Variants in FERMT3 observed in about 807,000 individuals in gnomAD.
FERMT3 encodes the protein fermitin family homolog 3.
In FERMT3, 33 loss-of-function variants were observed where a neutral mutation model predicts 80.8. The ratio of observed to expected loss-of-function variants is 0.41; its 90% CI spans 0.31 to 0.55. The LOEUF (loss-of-function observed/expected upper bound fraction) is 0.55, where lower values mean the gene tolerates loss of function less well. Ranked by LOEUF, FERMT3 falls within the 20% of genes least tolerant of loss-of-function variation. The pLI is 0.31. For synonymous variants in FERMT3, 375 were observed against 372.2 expected (o/e 1.01, Z -0.09); for missense variants, 754 against 908.7 (o/e 0.83, Z 2.19).
chr11:64,216,823 G>A (rs576894358), intron 6 of FERMT3, among the ~76,000 whole-genome samples: 1 of 150,444 alleles, frequency 6.6e-6, no homozygotes, highest in South Asian at 2.1e-4. Context: ...AAAAAGGCGG[G>A]TGCCACCATG....
At chr11:64,217,919 G>C (rs1053149548) in intron 6 of FERMT3, among the ~76,000 whole-genome samples, 5 of 152,142 alleles carry the variant, frequency 3.3e-5, no homozygotes, top group African/African-American at 1.2e-4. Flanking sequence ...AGAGGGACAA[G>C]GCGTGAGGCC....
At chr11:64,207,020 C>T (rs889067900) in intron 1 of FERMT3, among the ~76,000 whole-genome samples, 10 of 152,046 alleles carry the variant, frequency 6.6e-5, no homozygotes, top group African/African-American at 1.9e-4. Context: ...CCAGAGTGGG[C>T]AGCTGCCCCT....
At chr11:64,216,732 C>A (rs1946559828) in intron 6 of FERMT3, among the ~76,000 whole-genome samples, 1 of 143,774 alleles carries the variant, frequency 7.0e-6, no homozygotes, top group South Asian at 2.3e-4. Flanking sequence ...GGAGGCGGAG[C>A]TTGCAGTGAG....
At chr11:64,207,209 G>T (rs144200278) in intron 1 of FERMT3, 142 bp from the exon 2 acceptor site, 9 of 895,412 alleles carry the variant, frequency 1.0e-5, no homozygotes, top group Non-Finnish European at 1.5e-5. Flanking sequence ...TACCACGGGC[G>T]TGCTGGCCTG....
chr11:64,220,814 C>A, intron 12 of FERMT3, 145 bp downstream of exon 12: 1 of 1,276,008 alleles, frequency 7.8e-7, no homozygotes, highest in Non-Finnish European at 1.1e-6. Context: ...GGCTGGTACC[C>A]ACCCTTTGGG....
chr11:64,207,384 C>T lies in FERMT3; in HGVS notation c.20C>T (p.Ala7Val). 6.2e-7 allele frequency: 1 copy of T among 1,614,176 alleles called. No individual in the cohort carries two copies. The change falls in exon 2 of 15, where the codon GCC (alanine) becomes GTC (valine). Residue 7 changes from alanine to valine, a missense_variant. By Grantham distance (64) the Ala-to-Val change is moderately conservative (BLOSUM62 0). Transcript: ENST00000345728. MAGMKT[A>V]SGDYIDSSWE... is the part of the protein sequence containing the mutation. ...GCAGCCATGGCGGGGATGAAGACAG[C>T]CTCCGGGGACTACATCGACTCGTCA...
intron 2 of FERMT3, among the ~76,000 whole-genome samples, chr11:64,208,811 TG>T (rs1946374182): frequency 6.6e-6 from 1 of 152,078 alleles, no homozygotes; most frequent in Non-Finnish European, 1.5e-5. Flanking sequence ...GAAATGAGGC[TG>T]GCTGGTGCCT....
intron 6 of FERMT3, among the ~76,000 whole-genome samples, chr11:64,212,217 C>T (rs1032239132): frequency 6.6e-6 from 1 of 152,216 alleles, no homozygotes; most frequent in Non-Finnish European, 1.5e-5. Context: ...GTTCACTCTT[C>T]CTCCCTTCCT....
chr11:64,208,513 G>GCT (rs1045529237), intron 2 of FERMT3, among the ~76,000 whole-genome samples: 1 of 152,230 alleles, frequency 6.6e-6, no homozygotes, highest in African/African-American at 2.4e-5. Context: ...AAGCACATCA[G>GCT]CTCTGTCTAC....
At position 64,211,188 on chromosome 11, in the gene FERMT3, G is replaced by A. The variant is rs774240509; in HGVS notation, c.514+17G>A. 4.8e-5 allele frequency: 75 copies of A among 1,552,552 alleles called. No homozygotes were observed. Among genetic ancestry groups the A allele is most frequent in the Middle Eastern group, 2.0e-4 (1 of 4,976 alleles). On this transcript the variant is annotated intron_variant, in intron 4 of 14. Coordinates refer to ENST00000345728, the MANE Select transcript of FERMT3 (RefSeq NM_031471.6). The surrounding 1 kb of genome is among the most constrained non-coding windows in gnomAD (Gnocchi z 4.7). Reference sequence around the variant, plus strand: ...TGGCTGGGGGTGAGTGCAAGTGGGGGTGGGCCTGGGGGGTTGGGGGCAGGG... The same window carrying A: ...TGGCTGGGGGTGAGTGCAAGTGGGGATGGGCCTGGGGGGTTGGGGGCAGGG...
At position 64,207,378 on chromosome 11, in the gene FERMT3, A is replaced by C. The variant is rs1946334334; in HGVS notation, c.14A>C (p.Lys5Thr). ...GCAGCCGCAGCCATGGCGGGGATGAAGACAGCCTCCGGGGACTACATCGAC... is the reference window on the plus strand; with the variant it reads ...GCAGCCGCAGCCATGGCGGGGATGACGACAGCCTCCGGGGACTACATCGAC... MAGM[K>T]TASGDYIDSS... The change falls in exon 2 of 15, where the codon AAG becomes ACG. Residue 5 changes from lysine to threonine, a missense_variant. By Grantham distance (78) the Lys-to-Thr change is moderately conservative (BLOSUM62 -1). Coordinates refer to ENST00000345728, the MANE Select transcript of FERMT3 (RefSeq NM_031471.6). 1 of 1,614,002 alleles carries C rather than the reference A, an allele frequency of 6.2e-7. No homozygotes were observed. Among genetic ancestry groups the C allele is most frequent in the South Asian group, 1.1e-5 (1 of 91,080 alleles).
At position 64,223,433 on chromosome 11, in the gene FERMT3, G is replaced by C; in HGVS notation, c.1933G>C (p.Gly645Arg). The change falls in exon 15 of 15, where the codon GGG becomes CGG. Residue 645 changes from glycine to arginine, a missense_variant. Physicochemically the swap from Gly to Arg is moderately radical, Grantham distance 125. Coordinates refer to ENST00000345728, the MANE Select transcript of FERMT3 (RefSeq NM_031471.6). Reference protein sequence around the residue: ...IFLSTRERARGEELDEDLFLQ... With the variant: ...IFLSTRERARREELDEDLFLQ... ...CCTGTCGACGCGGGAGCGGGCCCGT[G>C]GGGAGGAGCTGGATGAAGACCTCTT... 6.2e-7 allele frequency: 1 copy of C among 1,613,188 alleles called. No homozygotes were observed. Among genetic ancestry groups the C allele is most frequent in the East Asian group, 2.2e-5 (1 of 44,884 alleles).
intron 13 of FERMT3, among the ~76,000 whole-genome samples, chr11:64,221,457 T>C (rs974205580): frequency 6.6e-6 from 1 of 151,938 alleles, no homozygotes; most frequent in Non-Finnish European, 1.5e-5. Context: ...AGAAAGTCCC[T>C]CGTCTCTACA....
chr11:64,213,682 C>T (rs1015371917), intron 6 of FERMT3, among the ~76,000 whole-genome samples: 5 of 151,578 alleles, frequency 3.3e-5, no homozygotes, highest in South Asian at 2.1e-4. Flanking sequence ...CTCAGCCTCC[C>T]GAGTAGCTGG....
Position 64,211,246 on chromosome 11 carries a change from G to C in FERMT3, c.515-29G>C, listed in dbSNP as rs200024943. The C allele has an allele frequency of 4.7e-4, 765 of 1,612,476 alleles. No individual in the cohort carries two copies. The highest frequency in any genetic ancestry group is 6.2e-4 in the Non-Finnish European group (736 of 1,179,770). On this transcript the variant is annotated intron_variant, in intron 4 of 14. Coordinates refer to ENST00000345728, the MANE Select transcript of FERMT3 (RefSeq NM_031471.6). The surrounding 1 kb of genome is among the most constrained non-coding windows in gnomAD (Gnocchi z 4.7). ...CGTGAGTCCCAGCCCTGGGGGACAG[G>C]CCTGGTTGACTCCCAACCTGCACTC...
chr11:64,218,368 A>G (rs1946598334), intron 6 of FERMT3, among the ~76,000 whole-genome samples: 1 of 151,646 alleles, frequency 6.6e-6, no homozygotes. Context: ...CAATGGTGCA[A>G]TTACAGCTCA....
chr11:64,223,119 T>C lies in FERMT3; in HGVS notation c.1742T>C (p.Val581Ala). Residue 581 changes from valine (V) to alanine (A), a missense_variant, in exon 14 of 15, where the codon GTG becomes GCG. Val to Ala is a moderately conservative substitution (Grantham distance 64). Coordinates refer to ENST00000345728, the MANE Select transcript of FERMT3 (RefSeq NM_031471.6). ...NNRLIRIDLA[V>A]GDVVKTWRFS... ...CGACTGATCCGCATCGACTTGGCCG[T>C]GGGCGACGTGGTCAAGACCTGGCGT... 1 of 1,613,916 alleles carries C rather than the reference T, an allele frequency of 6.2e-7. No individual in the cohort carries two copies.
At chr11:64,209,457 CAGG>C (rs1946389490) in intron 2 of FERMT3, among the ~76,000 whole-genome samples, 1 of 152,220 alleles carries the variant, frequency 6.6e-6, no homozygotes, top group Middle Eastern at 3.4e-3. Flanking sequence ...CTGGCCGAGG[CAGG>C]AGAAGAGGGT....
chr11:64,208,531 C>T (rs1946366864), intron 2 of FERMT3, among the ~76,000 whole-genome samples: 1 of 152,238 alleles, frequency 6.6e-6, no homozygotes, highest in African/African-American at 2.4e-5. Context: ...TACTGATGCT[C>T]AGCCTGGCCG....
Sources: allele counts gnomAD v4.1 joint callset (sites outside exome capture counted in the v4.1 genomes callset), GRCh38; gene constraint gnomAD v4.1.1; non-coding constraint Gnocchi (gnomAD v3.1); transcripts MANE v1.5; gene names NCBI Gene and HGNC (gene_info 2026-07-23, HGNC 2026-07-21).